Variants in HSP90AA1 observed in about 807,000 individuals in gnomAD.
HSP90AA1 encodes heat shock protein 90 alpha family class A member 1, also known as heat shock protein HSP 90-alpha.
In HSP90AA1, 18 loss-of-function variants were observed where a neutral mutation model predicts 73.3. The ratio of observed to expected loss-of-function variants is 0.25; its 90% CI spans 0.17 to 0.36. HSP90AA1 has a LOEUF of 0.36. Ranked by LOEUF, HSP90AA1 falls within the 10% of genes least tolerant of loss-of-function variation. The pLI is 1.00. For synonymous variants in HSP90AA1, 477 were observed against 296.9 expected (o/e 1.61, Z -6.24); for missense variants, 704 against 874.2 (o/e 0.81, Z 2.45).
chr14:102,108,884 CTGT>C (rs1386089996), intron 1 of HSP90AA1, among the ~76,000 whole-genome samples: 4 of 152,162 alleles, frequency 2.6e-5, no homozygotes, highest in African/African-American at 9.7e-5. Context: ...TTTCAATACA[CTGT>C]TGAACAGTAG....
chr14:102,128,778 G>A (rs1048675398), intron 1 of HSP90AA1, among the ~76,000 whole-genome samples: 4 of 152,048 alleles, frequency 2.6e-5, no homozygotes, highest in Non-Finnish European at 5.9e-5. Context: ...TCCAGCGTGA[G>A]CCATATAGCG....
chr14:102,105,137 G>A (rs972089962), intron 1 of HSP90AA1, among the ~76,000 whole-genome samples: 1 of 149,098 alleles, frequency 6.7e-6, no homozygotes, highest in African/African-American at 2.5e-5. Flanking sequence ...GAACCCGGGA[G>A]GTGGAGATTG....
At chr14:102,109,573 T>G (rs2049612664) in intron 1 of HSP90AA1, among the ~76,000 whole-genome samples, 3 of 152,170 alleles carry the variant, frequency 2.0e-5, no homozygotes. Context: ...TTGTGAGGCT[T>G]CCCCAGCCAT....
chr14:102,133,724 C>A (rs2049939354), intron 1 of HSP90AA1, among the ~76,000 whole-genome samples: 1 of 152,048 alleles, frequency 6.6e-6, no homozygotes, highest in Non-Finnish European at 1.5e-5. Context: ...CTCAGATGAT[C>A]CGCCCGCCTC....
rs35612478 is a variant in HSP90AA1, at chr14:102,108,531, C to CTTT, written c.156-6449_156-6447dup. Among the ~76,000 whole-genome samples the CTTT allele has an allele frequency of 3.0e-3, 386 of 130,752 alleles. 9 individuals are homozygous for CTTT. Among genetic ancestry groups the CTTT allele is most frequent in the African/African-American group, 0.01 (357 of 34,696 alleles). The allele number at this position is 130,752 out of a possible 152,430, so 85.8% of individuals were successfully genotyped here. ...TAATTTTTACACATCTAACTTATAA[C>CTTT]TTTTTTTTTTTTTTTTTTTTTGAGA... On this transcript the variant is annotated intron_variant, in intron 1 of 11. Transcript: ENST00000334701.
At chr14:102,091,620 T>C (rs2049359155), upstream of HSP90AA1, among the ~76,000 whole-genome samples, 1 of 151,690 alleles carries the variant, frequency 6.6e-6, no homozygotes, top group African/African-American at 2.4e-5. Context: ...AGTGAGACTG[T>C]CTCAAAAAAA....
At chr14:102,124,316 C>T (rs2049815343) in intron 1 of HSP90AA1, among the ~76,000 whole-genome samples, 1 of 150,442 alleles carries the variant, frequency 6.6e-6, no homozygotes, top group Non-Finnish European at 1.5e-5. Flanking sequence ...CTCAGCCTCC[C>T]ACATAGCTGG....
chr14:102,129,245 T>G (rs1225841344), intron 1 of HSP90AA1, among the ~76,000 whole-genome samples: 4 of 150,218 alleles, frequency 2.7e-5, no homozygotes, highest in African/African-American at 9.8e-5. Flanking sequence ...CAAGCAATTC[T>G]CCTGTCAGCC....
At chr14:102,134,498 C>G (rs1483483876) in intron 1 of HSP90AA1, among the ~76,000 whole-genome samples, 1 of 152,128 alleles carries the variant, frequency 6.6e-6, no homozygotes, top group African/African-American at 2.4e-5. Flanking sequence ...GTGAGTGTTA[C>G]AACTCTTAAG....
chr14:102,118,545 T>G (rs759343039), intron 1 of HSP90AA1, among the ~76,000 whole-genome samples: 10 of 152,040 alleles, frequency 6.6e-5, no homozygotes, highest in Non-Finnish European at 1.2e-4. Context: ...CCGGTCACTT[T>G]TTGTTTTTTA....
chr14:102,096,991 AT>A lies in HSP90AA1; in HGVS notation c.366+4883del, dbSNP rs370833486. On this transcript the variant is annotated intron_variant, in intron 2 of 11. Transcript: ENST00000334701. ...TGAAACTGTGTAAGAGAAGAAAGCA[AT>A]TTTTTTTTTTCTTGAGACACAGTCT... Among the ~76,000 whole-genome samples, 432 of 148,824 alleles carry A rather than the reference AT, an allele frequency of 2.9e-3. 1 individual carries two copies. The highest frequency in any genetic ancestry group is 8.5e-3 in the South Asian group (40 of 4,692).
chr14:102,102,847 G>A (rs1453104068), intron 1 of HSP90AA1, among the ~76,000 whole-genome samples: 1 of 151,980 alleles, frequency 6.6e-6, no homozygotes, highest in African/African-American at 2.4e-5. Context: ...CCTAGCCTGG[G>A]CAACATAGTA....
upstream of HSP90AA1, among the ~76,000 whole-genome samples, chr14:102,088,573 C>T (rs1377795397): frequency 6.6e-6 from 1 of 152,226 alleles, no homozygotes; most frequent in East Asian, 1.9e-4. Flanking sequence ...GGCGCGGGCC[C>T]CAGCGGTGGT....
chr14:102,124,412 T>C (rs1190601), intron 1 of HSP90AA1, among the ~76,000 whole-genome samples: 139,571 of 152,158 alleles, frequency 0.92, 64,079 homozygotes, highest in East Asian at 1. Context: ...AGGTTGGTCT[T>C]GAACTCCTAA....
chr14:102,100,642 C>G (rs182087247), intron 2 of HSP90AA1, among the ~76,000 whole-genome samples: 1 of 152,336 alleles, frequency 6.6e-6, no homozygotes, highest in East Asian at 1.9e-4. Flanking sequence ...TCAGGCTGGT[C>G]TCAAACTCCC....
At chr14:102,114,870 C>T (rs577544480) in intron 1 of HSP90AA1, among the ~76,000 whole-genome samples, 3 of 152,150 alleles carry the variant, frequency 2.0e-5, no homozygotes, top group Admixed American at 2.0e-4. Flanking sequence ...CATGGTGGCT[C>T]ACGCCTGTAA....
chr14:102,089,782 G>C (rs1255255681), upstream of HSP90AA1, among the ~76,000 whole-genome samples: 1 of 152,010 alleles, frequency 6.6e-6, no homozygotes, highest in Admixed American at 6.6e-5. Flanking sequence ...CCCCACAACG[G>C]ATCTGGCACT....
At chr14:102,129,694 G>A (rs912909563) in intron 1 of HSP90AA1, among the ~76,000 whole-genome samples, 1 of 151,836 alleles carries the variant, frequency 6.6e-6, no homozygotes, top group African/African-American at 2.4e-5. Context: ...TAGTAGAGAC[G>A]AGGTTTCACC....
chr14:102,139,336 G>A lies in HSP90AA1; in HGVS notation c.69C>T (p.Pro23=), dbSNP rs199751875. 7 of 1,613,182 alleles carry A rather than the reference G, an allele frequency of 4.3e-6. No individual in the cohort carries two copies. In the East Asian group the frequency reaches 6.7e-5, roughly 15 times the overall value. ...CGCGCGGGTATTCAGCACTCTGGGCGGGACAGTCCCTGTCCCGAAGGGAGG... is the reference window on the plus strand; with the variant it reads ...CGCGCGGGTATTCAGCACTCTGGGCAGGACAGTCCCTGTCCCGAAGGGAGG... The change falls in exon 1 of 12, where the codon CCC becomes CCT. Residue 23 remains proline (P), a synonymous_variant. Coordinates refer to the HSP90AA1 transcript ENST00000334701.
Sources: gnomAD v4.1 joint callset for allele counts (sites outside exome capture counted in the v4.1 genomes callset) on GRCh38, gnomAD v4.1.1 for gene constraint, MANE v1.5 for transcripts, NCBI Gene and HGNC (gene_info 2026-07-23, HGNC 2026-07-21) for gene names.